The following GON4L variants were observed in gnomAD, a reference collection of about 807,000 sequenced individuals.
GON4L encodes the protein GON-4-like protein.
A neutral mutation model predicts 211.8 loss-of-function variants in GON4L; 87 were observed. The observed-to-expected ratio is 0.41, with a 90% confidence interval of 0.35 to 0.49. The LOEUF (loss-of-function observed/expected upper bound fraction) is 0.49. Among genes scored for constraint, GON4L ranks in the 20% least tolerant of loss-of-function variants. The pLI, the probability that GON4L is intolerant of heterozygous loss-of-function variation, is 0.15. For synonymous variants in GON4L, 875 were observed against 962.6 expected, an observed-to-expected ratio of 0.91 and a Z score of 1.68; for missense variants, 2,155 against 2,659.5, an observed-to-expected ratio of 0.81 and a Z score of 4.17.
chr1:155,821,655 T>C (rs1668754738), intron 4 of GON4L, 107 bp from the exon 5 acceptor site: 2 of 728,960 alleles, frequency 2.7e-6, no homozygotes, highest in South Asian at 2.8e-5. Flanking sequence ...ATGAGAACCA[T>C]ATACTCGAAT....
Position 155,815,839 on chromosome 1 carries a change from G to T in GON4L, c.1127C>A (p.Pro376Gln). The T allele has an allele frequency of 6.2e-7, 1 of 1,607,430 alleles. No individual in the cohort carries two copies. The highest frequency in any genetic ancestry group is 8.5e-7 in the Non-Finnish European group (1 of 1,174,200). The change falls in exon 8 of 32, where the codon CCG becomes CAG. Residue 376 changes from proline (P) to glutamine (Q), a missense_variant. Transcript: ENST00000368331. ...EDDSSDEEYQ[P>Q]DDEEEDETAE... ...AGTTTCATCTTCTTCTTCATCATCCGGCTGGTATTCTTCATCTGAGGAATC... is the reference window on the plus strand; with the variant it reads ...AGTTTCATCTTCTTCTTCATCATCCTGCTGGTATTCTTCATCTGAGGAATC...
At chr1:155,809,447 T>C (rs1274192277) in intron 10 of GON4L, among the ~76,000 whole-genome samples, 1 of 150,960 alleles carries the variant, frequency 6.6e-6, no homozygotes, top group Non-Finnish European at 1.5e-5. Flanking sequence ...TTACTGCTCC[T>C]ACTACTACAT....
chr1:155,815,343 A>C (rs1668144909), intron 8 of GON4L, among the ~76,000 whole-genome samples: 1 of 152,172 alleles, frequency 6.6e-6, no homozygotes, highest in Non-Finnish European at 1.5e-5. Context: ...AAACATATAA[A>C]CATGGGTCCA....
chr1:155,748,460 C>T, downstream of GON4L: 3 of 1,609,798 alleles, frequency 1.9e-6, no homozygotes, highest in Middle Eastern at 1.7e-4. Flanking sequence ...AGTCACTGTT[C>T]CTTATCGCCT....
intron 24 of GON4L, among the ~76,000 whole-genome samples, chr1:155,759,770 CCCTCATGTTTAG>C (rs1661576214): frequency 6.6e-6 from 1 of 151,602 alleles, no homozygotes; most frequent in Non-Finnish European, 1.5e-5. Context: ...ACTGGGATAT[CCCTCATGTTTAG>C]CCTCCTATTC....
At chr1:155,747,868 G>A, downstream of GON4L, 1 of 1,588,416 alleles carries the variant, frequency 6.3e-7, no homozygotes, top group Non-Finnish European at 8.6e-7. Context: ...ATAACTTGGG[G>A]CCTGCTACCT....
At chr1:155,853,240 G>A (rs1037397380) in intron 2 of GON4L, 36 bp downstream of exon 2, 1 of 1,558,108 alleles carries the variant, frequency 6.4e-7, no homozygotes, top group Non-Finnish European at 8.9e-7. Context: ...AAGTGGTATT[G>A]ACAAGAATGT....
chr1:155,855,652 C>T (rs1168890367), intron 1 of GON4L, among the ~76,000 whole-genome samples: 2 of 152,106 alleles, frequency 1.3e-5, no homozygotes, highest in Non-Finnish European at 2.9e-5. Flanking sequence ...ACAACTTATT[C>T]TGTGCAGCAT....
At chr1:155,795,732 C>T (rs1268407622) in intron 11 of GON4L, among the ~76,000 whole-genome samples, 1 of 152,142 alleles carries the variant, frequency 6.6e-6, no homozygotes, top group African/African-American at 2.4e-5. Flanking sequence ...CTTGACTGCC[C>T]AGGATCAGGC....
intron 23 of GON4L, 53 bp downstream of exon 23, chr1:155,762,137 G>GA: frequency 7.2e-7 from 1 of 1,379,508 alleles, no homozygotes; most frequent in Non-Finnish European, 1.0e-6. Flanking sequence ...CTCCCTTGAA[G>GA]AAGCAGCCAC....
At chr1:155,767,651 AC>A in intron 19 of GON4L, 110 bp from the exon 20 acceptor site, 3 of 1,580,832 alleles carry the variant, frequency 1.9e-6, no homozygotes, top group Non-Finnish European at 2.6e-6. Flanking sequence ...ACACACACAC[AC>A]ACACACACAC....
At chr1:155,791,100 A>G (rs1000902553) in intron 12 of GON4L, among the ~76,000 whole-genome samples, 2 of 151,560 alleles carry the variant, frequency 1.3e-5, no homozygotes, top group Non-Finnish European at 2.9e-5. Flanking sequence ...CTTCTCTACT[A>G]AAAATACAAA....
At position 155,811,742 on chromosome 1, in the gene GON4L, A is replaced by G. The variant is rs543344826; in HGVS notation, c.1452+1892T>C. On this transcript the variant is annotated intron_variant, in intron 10 of 31. Coordinates refer to ENST00000368331, the MANE Select transcript of GON4L (RefSeq NM_001282860.2). ...CTGCACTCCAGCCTGGGAGACAGGC[A>G]AGACTCTGTCTCAAAAAAAAAAAAA... Among the ~76,000 whole-genome samples, 117 of 108,394 alleles carry G rather than the reference A, an allele frequency of 1.1e-3. 1 individual carries two copies. Among genetic ancestry groups the G allele is most frequent in the African/African-American group, 3.9e-3 (113 of 28,646 alleles). The allele number at this position is 108,394 out of a possible 152,430, so 71.1% of individuals were successfully genotyped here.
intron 2 of GON4L, among the ~76,000 whole-genome samples, chr1:155,851,052 C>A (rs1238926384): frequency 5.4e-3 from 422 of 78,394 alleles, no homozygotes; most frequent in African/African-American, 0.01. Context: ...GACTCCACCT[C>A]AAAAAAAAAA....
At chr1:155,816,049 A>C (rs1425102641) in intron 7 of GON4L, 149 bp from the exon 8 acceptor site, 2 of 707,238 alleles carry the variant, frequency 2.8e-6, no homozygotes, top group Admixed American at 4.5e-5. Context: ...CAGAGGTTAA[A>C]GTGAATTCCA....
At chr1:155,780,903 T>C (rs1664353494) in intron 14 of GON4L, among the ~76,000 whole-genome samples, 2 of 152,090 alleles carry the variant, frequency 1.3e-5, no homozygotes, top group Non-Finnish European at 2.9e-5. Context: ...TTTTTAAAAG[T>C]TATCATTTAT....
Position 155,846,240 on chromosome 1 carries a change from C to T in GON4L, c.505+7036G>A, listed in dbSNP as rs905061910. Reference sequence around the variant, plus strand: ...GAGAAGAAAGACAGGAAAAAGAAACCGGCCAGGCGCGGTGGCTCACGCCTG... The same window carrying T: ...GAGAAGAAAGACAGGAAAAAGAAACTGGCCAGGCGCGGTGGCTCACGCCTG... On this transcript the variant is annotated intron_variant, in intron 2 of 31. Coordinates refer to ENST00000368331, the MANE Select transcript of GON4L (RefSeq NM_001282860.2). The T allele has an allele frequency of 6.6e-5, 14 of 212,306 alleles. No individual in the cohort carries two copies. In the Middle Eastern group the frequency reaches 5.4e-3, roughly 82 times the overall value. 13.2% of individuals were successfully genotyped at this position (212,306 alleles called of 1,614,324 possible). A position where few individuals can be genotyped will look rare whatever the true frequency, so the allele number is the denominator to read the frequency against.
At chr1:155,782,339 T>G (rs566004849) in intron 14 of GON4L, among the ~76,000 whole-genome samples, 3 of 152,358 alleles carry the variant, frequency 2.0e-5, no homozygotes, top group Admixed American at 1.3e-4. Flanking sequence ...CAGAGATGGC[T>G]CCATAAGATT....
chr1:155,852,782 G>A (rs574823447), intron 2 of GON4L, among the ~76,000 whole-genome samples: 3 of 151,708 alleles, frequency 2.0e-5, no homozygotes, highest in South Asian at 4.2e-4. Context: ...TGGATATAGC[G>A]AATGGGAGGG....
Sources: allele counts gnomAD v4.1 joint callset (sites outside exome capture counted in the v4.1 genomes callset), GRCh38; gene constraint gnomAD v4.1.1; transcripts MANE v1.5; gene names NCBI Gene and HGNC (gene_info 2026-07-23, HGNC 2026-07-21).